Variants in SLC2A12 observed in about 807,000 individuals in gnomAD.
SLC2A12 encodes the protein solute carrier family 2, facilitated glucose transporter member 12.
SLC2A12 carries 23 observed loss-of-function variants against 41.8 expected under a neutral mutation model. The observed-to-expected ratio is 0.55, with a 90% confidence interval of 0.40 to 0.78. The LOEUF (loss-of-function observed/expected upper bound fraction) is 0.78. Ranked by LOEUF, SLC2A12 falls within the 30% of genes least tolerant of loss-of-function variation. SLC2A12 has a pLI of 0.00. For synonymous variants in SLC2A12, 295 were observed against 285.9 expected (o/e 1.03, Z -0.32); for missense variants, 654 against 745.6 (o/e 0.88, Z 1.43).
rs190851908 is a variant in SLC2A12 at position 134,046,660 on chromosome 6, A to C, written c.103+5718T>G. On this transcript the variant is annotated intron_variant, in intron 1 of 4. Coordinates refer to ENST00000275230, the MANE Select transcript of SLC2A12 (RefSeq NM_145176.3). Reference sequence around the variant, plus strand: ...CTAAAAAAAAATATATATATACAAAAATTAGCCGGGTGTGGTGGTGAGTGC... The same window carrying C: ...CTAAAAAAAAATATATATATACAAACATTAGCCGGGTGTGGTGGTGAGTGC... Among the ~76,000 whole-genome samples the C allele has an allele frequency of 2.3e-3, 355 of 151,998 alleles. 2 individuals carry two copies. Among genetic ancestry groups the C allele is most frequent in the African/African-American group, 8.1e-3 (337 of 41,424 alleles).
chr6:134,013,725 G>A (rs1190707710), intron 2 of SLC2A12, among the ~76,000 whole-genome samples: 1 of 152,142 alleles, frequency 6.6e-6, no homozygotes, highest in Non-Finnish European at 1.5e-5. Flanking sequence ...AACTTGATTA[G>A]ATTATCCTTT....
chr6:134,003,874 G>C (rs980069042), intron 3 of SLC2A12, among the ~76,000 whole-genome samples: 7 of 152,178 alleles, frequency 4.6e-5, no homozygotes, highest in African/African-American at 1.7e-4. Flanking sequence ...AGCTGAAATT[G>C]CATAAAAAAT....
intron 1 of SLC2A12, among the ~76,000 whole-genome samples, chr6:134,044,273 T>A (rs1410092030): frequency 6.6e-6 from 1 of 152,238 alleles, no homozygotes; most frequent in African/African-American, 2.4e-5. Context: ...AGTAAGCACC[T>A]GCACTGTGAG....
At chr6:134,037,368 GT>G (rs1275605887) in intron 1 of SLC2A12, among the ~76,000 whole-genome samples, 29 of 118,472 alleles carry the variant, frequency 2.4e-4, no homozygotes, top group Admixed American at 4.2e-4. Flanking sequence ...TTTTGTTTTT[GT>G]TTTTTTTTTC....
chr6:133,995,703 AC>A (rs1418499747), intron 4 of SLC2A12, among the ~76,000 whole-genome samples: 1 of 152,172 alleles, frequency 6.6e-6, no homozygotes, highest in Non-Finnish European at 1.5e-5. Flanking sequence ...ACTATGGCAC[AC>A]TTTAAAGTGT....
chr6:134,019,385 T>C (rs1049233997), intron 2 of SLC2A12, among the ~76,000 whole-genome samples: 13 of 152,328 alleles, frequency 8.5e-5, no homozygotes, highest in African/African-American at 3.1e-4. Flanking sequence ...CGTTGTTCTG[T>C]GTCTTCACAA....
In SLC2A12 at chr6:134,028,850, G is replaced by C; in HGVS notation, c.975C>G (p.Val325=). ...CAGGGATGGTGCTAATGACCTTGACGACTCCAACCCCAGTGGAGGCGAGGC... is the reference window on the plus strand; with the variant it reads ...CAGGGATGGTGCTAATGACCTTGACCACTCCAACCCCAGTGGAGGCGAGGC... ...AASLASTGVG[V]VKVISTIPAT... Residue 325 remains valine, a synonymous_variant, in exon 2 of 5, where the codon GTC becomes GTG. Transcript: ENST00000275230. 1 of 1,614,190 alleles carries C rather than the reference G, an allele frequency of 6.2e-7. No homozygotes were observed. Among genetic ancestry groups the C allele is most frequent in the Non-Finnish European group, 8.5e-7 (1 of 1,180,040 alleles).
rs1773703657 is a variant in SLC2A12, at chr6:134,052,396, G to T, written c.85C>A (p.His29Asn). The T allele has an allele frequency of 3.1e-6, 5 of 1,612,658 alleles. No individual in the cohort carries two copies. Among genetic ancestry groups the T allele is most frequent in the Non-Finnish European group, 4.2e-6 (5 of 1,179,992 alleles). Residue 29 changes from histidine to asparagine, a missense_variant, in exon 1 of 5, where the codon CAT becomes AAT. Coordinates refer to ENST00000275230, the MANE Select transcript of SLC2A12 (RefSeq NM_145176.3). ...AVETEGSGSR[H>N]PPWARGCGMF... Reference sequence around the variant, plus strand: ...ACTTTACCTCTCGCCCAGGGAGGATGCCGGCTGCCGCTGCCCTCCGTCTCC... The same window carrying T: ...ACTTTACCTCTCGCCCAGGGAGGATTCCGGCTGCCGCTGCCCTCCGTCTCC...
At position 134,029,387 on chromosome 6, in the gene SLC2A12, G is replaced by A; in HGVS notation, c.438C>T (p.Leu146=). The A allele has an allele frequency of 6.2e-7, 1 of 1,614,224 alleles. No homozygotes were observed. Among genetic ancestry groups the A allele is most frequent in the Non-Finnish European group, 8.5e-7 (1 of 1,180,042 alleles). The part of the protein sequence containing the change: ...GRIAIGVSIS[L]SSIATCVYIA... ...TGTAAACACAAGTGGCAATGGAAGA[G>A]AGGGAGATGGAGACCCCTATGGCAA... Residue 146 remains leucine (L), a synonymous_variant, in exon 2 of 5, where the codon CTC becomes CTT. Coordinates refer to ENST00000275230, the MANE Select transcript of SLC2A12 (RefSeq NM_145176.3).
At chr6:134,049,293 A>G (rs1773639767) in intron 1 of SLC2A12, among the ~76,000 whole-genome samples, 1 of 152,248 alleles carries the variant, frequency 6.6e-6, no homozygotes, top group African/African-American at 2.4e-5. Context: ...ACCTGCACTC[A>G]TACAGTAAAT....
chr6:134,000,681 G>A (rs1776744812), intron 4 of SLC2A12, among the ~76,000 whole-genome samples: 1 of 152,090 alleles, frequency 6.6e-6, no homozygotes, highest in South Asian at 2.1e-4. Flanking sequence ...CTTCCCCCAG[G>A]ACATGGTTTT....
At chr6:134,043,199 AGCAG>A in intron 1 of SLC2A12, among the ~76,000 whole-genome samples, 1 of 152,252 alleles carries the variant, frequency 6.6e-6, no homozygotes, top group African/African-American at 2.4e-5. Flanking sequence ...AATGGATTGG[AGCAG>A]GGATAAGAGA....
At chr6:134,032,427 TATATATATATATATATATATAAA>T (rs1422949096) in intron 1 of SLC2A12, among the ~76,000 whole-genome samples, 6 of 24,946 alleles carry the variant, frequency 2.4e-4, no homozygotes, top group East Asian at 2.3e-3. Context: ...TATATATATT[TATATATATATATATATATATAAA>T]TATATATATA....
chr6:134,031,264 G>A (rs1296209564), intron 1 of SLC2A12, among the ~76,000 whole-genome samples: 1 of 152,012 alleles, frequency 6.6e-6, no homozygotes, highest in Non-Finnish European at 1.5e-5. Context: ...GATGGTTCAT[G>A]CCTTGTAGTC....
At chr6:134,019,166 T>C (rs1300348814) in intron 2 of SLC2A12, among the ~76,000 whole-genome samples, 1 of 152,180 alleles carries the variant, frequency 6.6e-6, no homozygotes, top group Admixed American at 6.5e-5. Flanking sequence ...AATTAATTTA[T>C]GGGCATATTA....
At chr6:134,049,786 A>C (rs1438160797) in intron 1 of SLC2A12, among the ~76,000 whole-genome samples, 1 of 152,222 alleles carries the variant, frequency 6.6e-6, no homozygotes, top group African/African-American at 2.4e-5. Context: ...AGACCTACCA[A>C]AATTTTTCAC....
rs189499091 is a variant in SLC2A12, at chr6:134,001,904, C to T, written c.1700+93G>A. 13 of 1,331,196 alleles carry T rather than the reference C, an allele frequency of 9.8e-6. No individual in the cohort carries two copies. In the Admixed American group the frequency reaches 1.5e-4, roughly 15 times the overall value. The allele number at this position is 1,331,196 out of a possible 1,614,324, so 82.5% of individuals were successfully genotyped here. A position where few individuals can be genotyped will look rare whatever the true frequency, so the allele number is the denominator to read the frequency against. ...AGGGAATGTCCTAATCTAATAATAT[C>T]TAATAATTTCAGATATTATTCCTTT... On this transcript the variant is annotated intron_variant, in intron 4 of 4. Transcript: ENST00000275230.
Position 133,991,082 on chromosome 6 carries a change from CAACTATGCATTGGTCCAAAG to C in SLC2A12, c.*53_*72del. 1 of 1,501,766 alleles carries C rather than the reference CAACTATGCATTGGTCCAAAG, an allele frequency of 6.7e-7. No homozygotes were observed. The highest frequency in any genetic ancestry group is 8.9e-7 in the Non-Finnish European group (1 of 1,118,034). The allele number at this position is 1,501,766 out of a possible 1,614,324, so 93.0% of individuals were successfully genotyped here. Reference sequence around the variant, plus strand: ...CACTGAAAAGAGAGCACAGGAGTCGCAACTATGCATTGGTCCAAAGACACCCTCCTAAGTGTTCTGGCACT... The same window carrying C: ...CACTGAAAAGAGAGCACAGGAGTCGCACACCCTCCTAAGTGTTCTGGCACT... On this transcript the variant is annotated 3_prime_UTR_variant, in exon 5 of 5. Transcript: ENST00000275230.
intron 1 of SLC2A12, among the ~76,000 whole-genome samples, chr6:134,050,224 TG>T (rs1394189755): frequency 6.6e-6 from 1 of 152,192 alleles, no homozygotes; most frequent in Non-Finnish European, 1.5e-5. Context: ...TAATTGCTTT[TG>T]GGTGCCAAAA....
Sources: allele counts gnomAD v4.1 joint callset (sites outside exome capture counted in the v4.1 genomes callset), GRCh38; gene constraint gnomAD v4.1.1; transcripts MANE v1.5; gene names NCBI Gene and HGNC (gene_info 2026-07-23, HGNC 2026-07-21).